The following KCNMB2 variants were observed in gnomAD, a reference collection of about 807,000 sequenced individuals.
KCNMB2 encodes potassium calcium-activated channel subfamily M regulatory beta subunit 2.
Under a neutral mutation model 24.5 loss-of-function variants are expected in KCNMB2, and 9 were observed. The observed-to-expected ratio is 0.37, with a 90% CI of 0.22 to 0.64. KCNMB2 has a LOEUF of 0.64. Ranked by LOEUF, KCNMB2 falls within the 30% of genes least tolerant of loss-of-function variation. The pLI, the probability that KCNMB2 is intolerant of heterozygous loss-of-function variation, is 0.63. For missense variants in KCNMB2, 226 were observed against 284.3 expected (o/e 0.79, Z 1.47); for synonymous variants, 109 against 104.4 (o/e 1.04, Z -0.27).
At chr3:178,543,438 G>T (rs1015178977) in intron 1 of KCNMB2, among the ~76,000 whole-genome samples, 1 of 152,200 alleles carries the variant, frequency 6.6e-6, no homozygotes, top group Admixed American at 6.5e-5. Flanking sequence ...GTGAATGCAT[G>T]ATCATACAAA....
intron 2 of KCNMB2, among the ~76,000 whole-genome samples, chr3:178,820,185 T>C (rs1398585191): frequency 6.6e-6 from 1 of 152,230 alleles, no homozygotes; most frequent in Non-Finnish European, 1.5e-5. Context: ...AAAATATTTA[T>C]GTAGTGAGCT....
chr3:178,568,051 G>T (rs538803275), intron 1 of KCNMB2, among the ~76,000 whole-genome samples: 2 of 152,056 alleles, frequency 1.3e-5, no homozygotes, highest in Admixed American at 6.6e-5. Context: ...GTGATTAAAG[G>T]TCCCTTTCAA....
At chr3:178,727,196 C>T (rs1266349823) in intron 1 of KCNMB2, among the ~76,000 whole-genome samples, 1 of 152,080 alleles carries the variant, frequency 6.6e-6, no homozygotes, top group Non-Finnish European at 1.5e-5. Flanking sequence ...TACGTACTGG[C>T]CTCAATACAT....
At chr3:178,691,623 T>C (rs1721680149) in intron 1 of KCNMB2, among the ~76,000 whole-genome samples, 2 of 152,192 alleles carry the variant, frequency 1.3e-5, no homozygotes, top group African/African-American at 4.8e-5. Flanking sequence ...TTCCATAGTG[T>C]GTATGTACCA....
At chr3:178,662,000 A>G (rs1011020050) in intron 1 of KCNMB2, among the ~76,000 whole-genome samples, 6 of 152,224 alleles carry the variant, frequency 3.9e-5, no homozygotes, top group African/African-American at 1.4e-4. Context: ...AATAGATGGC[A>G]TTGAAATTTA....
At chr3:178,809,969 T>C (rs989265561) in intron 2 of KCNMB2, among the ~76,000 whole-genome samples, 4 of 152,162 alleles carry the variant, frequency 2.6e-5, no homozygotes, top group African/African-American at 7.2e-5. Flanking sequence ...CATTAAGCAA[T>C]AGAATCTGCC....
At chr3:178,825,862 A>T (rs1429296757) in intron 3 of KCNMB2, 104 bp downstream of exon 3, 9 of 813,290 alleles carry the variant, frequency 1.1e-5, no homozygotes, top group Non-Finnish European at 1.4e-5. Flanking sequence ...CTTTCCTGAT[A>T]AGAACTTTGA....
chr3:178,552,373 G>T (rs1030564485), intron 1 of KCNMB2, among the ~76,000 whole-genome samples: 2 of 130,870 alleles, frequency 1.5e-5, no homozygotes, highest in Non-Finnish European at 3.2e-5. Context: ...TTTATTTTTT[G>T]AATTAAACCC....
At chr3:178,807,271 C>A in intron 1 of KCNMB2, 72 bp from the exon 2 acceptor site, 1 of 603,228 alleles carries the variant, frequency 1.7e-6, no homozygotes, top group East Asian at 2.8e-5. Flanking sequence ...GAATCAAAAC[C>A]CTGTTGTTAT....
chr3:178,613,644 C>T (rs537083782), intron 1 of KCNMB2, among the ~76,000 whole-genome samples: 1 of 152,254 alleles, frequency 6.6e-6, no homozygotes, highest in Admixed American at 6.5e-5. Flanking sequence ...ATATGTCATG[C>T]CACTCTCTCC....
intron 1 of KCNMB2, among the ~76,000 whole-genome samples, chr3:178,655,095 C>CCTCTCTCT (rs67468527): frequency 0.017 from 1,930 of 110,814 alleles, 85 homozygotes; most frequent in Non-Finnish European, 0.022. Context: ...ATTAGCTCTC[C>CCTCTCTCT]CTCTCTCTCT....
At chr3:178,661,764 A>T (rs558752900) in intron 1 of KCNMB2, among the ~76,000 whole-genome samples, 100 of 152,320 alleles carry the variant, frequency 6.6e-4, no homozygotes, top group African/African-American at 2.2e-3. Context: ...TCAGAATCAG[A>T]CTTTTAACAA....
At chr3:178,836,965 T>G (rs960536575) in intron 4 of KCNMB2, among the ~76,000 whole-genome samples, 1 of 152,112 alleles carries the variant, frequency 6.6e-6, no homozygotes, top group Admixed American at 6.6e-5. Flanking sequence ...CATGATAAAA[T>G]CATAAGATAA....
intron 4 of KCNMB2, among the ~76,000 whole-genome samples, chr3:178,837,508 G>A (rs1415472875): frequency 6.6e-6 from 1 of 152,212 alleles, no homozygotes; most frequent in Non-Finnish European, 1.5e-5. Flanking sequence ...GTACATGACT[G>A]ATTGACAAAT....
chr3:178,692,409 T>C (rs537603686), intron 1 of KCNMB2, among the ~76,000 whole-genome samples: 2 of 152,334 alleles, frequency 1.3e-5, no homozygotes, highest in South Asian at 2.1e-4. Flanking sequence ...CCATCTTGAG[T>C]TAATTTTTGC....
At chr3:178,676,054 A>C (rs1240381339) in intron 1 of KCNMB2, among the ~76,000 whole-genome samples, 1 of 152,228 alleles carries the variant, frequency 6.6e-6, no homozygotes, top group Non-Finnish European at 1.5e-5. Flanking sequence ...AGATAGGGTC[A>C]GTATTCAAAC....
At chr3:178,581,540 T>C (rs1717203982) in intron 1 of KCNMB2, among the ~76,000 whole-genome samples, 1 of 152,092 alleles carries the variant, frequency 6.6e-6, no homozygotes. Context: ...ACTAAAGAGC[T>C]TCTGCACAGC....
intron 1 of KCNMB2, among the ~76,000 whole-genome samples, chr3:178,804,769 T>C (rs1713900768): frequency 6.6e-6 from 1 of 152,240 alleles, no homozygotes; most frequent in South Asian, 2.1e-4. Context: ...CAGGAATTTA[T>C]TGGTTTAGCT....
At chr3:178,836,689 AT>A (rs1262656059) in intron 4 of KCNMB2, among the ~76,000 whole-genome samples, 1 of 152,078 alleles carries the variant, frequency 6.6e-6, no homozygotes, top group Admixed American at 6.6e-5. Flanking sequence ...ATATTAACAT[AT>A]TTTTTATCAG....
Sources: allele counts gnomAD v4.1 joint callset (sites outside exome capture counted in the v4.1 genomes callset), GRCh38; gene constraint gnomAD v4.1.1; transcripts MANE v1.5; gene names NCBI Gene and HGNC (gene_info 2026-07-23, HGNC 2026-07-21).